The following PAFAH2 variants were observed in gnomAD, a reference collection of about 807,000 sequenced individuals.
PAFAH2 encodes the protein platelet-activating factor acetylhydrolase 2, cytoplasmic.
Under a neutral mutation model 49.0 loss-of-function variants are expected in PAFAH2, and 42 were observed. That is an observed-to-expected ratio of 0.86 (90% CI 0.67 to 1.11). PAFAH2 has a LOEUF of 1.11. Ranked by LOEUF, PAFAH2 falls within the 50% of genes least tolerant of loss-of-function variation. PAFAH2 has a pLI of 0.00. For missense variants in PAFAH2, 503 were observed against 501.8 expected, an observed-to-expected ratio of 1.00 and a Z score of -0.02; for synonymous variants, 184 against 181.3, an observed-to-expected ratio of 1.01 and a Z score of -0.12.
intron 10 of PAFAH2, among the ~76,000 whole-genome samples, chr1:25,970,794 C>T (rs2049494827): frequency 1.3e-5 from 2 of 151,980 alleles, no homozygotes; most frequent in African/African-American, 4.8e-5. Flanking sequence ...CACTATGTTG[C>T]ACAGGCTGGT....
chr1:25,969,489 T>C (rs1378564597), intron 10 of PAFAH2, among the ~76,000 whole-genome samples: 1 of 152,214 alleles, frequency 6.6e-6, no homozygotes, highest in Non-Finnish European at 1.5e-5. Context: ...CTAGGTTACA[T>C]ATTGGCTTTG....
chr1:25,992,537 G>A (rs1394545717), intron 1 of PAFAH2, among the ~76,000 whole-genome samples: 1 of 152,152 alleles, frequency 6.6e-6, no homozygotes, highest in African/African-American at 2.4e-5. Flanking sequence ...CTCTGTGCCA[G>A]GAACTATGTT....
chr1:25,982,912 A>G (rs1452686475), intron 6 of PAFAH2, among the ~76,000 whole-genome samples: 1 of 152,004 alleles, frequency 6.6e-6, no homozygotes, highest in Non-Finnish European at 1.5e-5. Flanking sequence ...TCCCACTCCC[A>G]TTCTAACAAT....
intron 1 of PAFAH2, among the ~76,000 whole-genome samples, chr1:25,991,624 G>A (rs2049877342): frequency 6.8e-6 from 1 of 148,082 alleles, no homozygotes; most frequent in Non-Finnish European, 1.5e-5. Context: ...CAGGCACGGT[G>A]GCTCACGCCT....
chr1:25,976,768 G>A lies in PAFAH2; in HGVS notation c.672C>T (p.Asn224=), dbSNP rs2049595711. ...GGLDLMTLKG[N]IDMSRVAVMG... is the part of the protein sequence containing the mutation. ...TCACAGCCACACGGCTCATGTCAAT[G>A]TTGCCCTGAGGAAAGTGGAGAACTT... Residue 224 remains asparagine (N), a synonymous_variant, in exon 8 of 11, where the codon AAC becomes AAT. Transcript: ENST00000374282. 1 of 1,613,616 alleles carries A rather than the reference G, an allele frequency of 6.2e-7. No individual in the cohort carries two copies. The highest frequency in any genetic ancestry group is 1.1e-5 in the South Asian group (1 of 91,078).
chr1:25,983,277 A>C (rs1433127895), intron 6 of PAFAH2, among the ~76,000 whole-genome samples: 8 of 152,090 alleles, frequency 5.3e-5, no homozygotes, highest in Admixed American at 5.2e-4. Context: ...CCAGCTACTC[A>C]GGAGGCTGAG....
At chr1:25,978,289 T>C (rs2124342295) in intron 7 of PAFAH2, among the ~76,000 whole-genome samples, 1 of 152,330 alleles carries the variant, frequency 6.6e-6, no homozygotes, top group South Asian at 2.1e-4. Flanking sequence ...TCTTTTTCTA[T>C]ATAGTTGCCC....
In PAFAH2 at chr1:25,983,983, T is replaced by A; in HGVS notation, c.515A>T (p.Glu172Val). 1 of 1,614,166 alleles carries A rather than the reference T, an allele frequency of 6.2e-7. No homozygotes were observed. The highest frequency in any genetic ancestry group is 1.1e-5 in the South Asian group (1 of 91,074). The part of the protein sequence containing the change: ...QEEWIPFRRV[E>V]EGEKEFHVRN... ...AACATGAAATTCCTTCTCCCCTTCC[T>A]CAACTCGACGGAAAGGGATCCATTC... Residue 172 changes from glutamate (E) to valine (V), a missense_variant, in exon 6 of 11, where the codon GAG (glutamate) becomes GTG (valine). Physicochemically the swap from Glu to Val is moderately radical, Grantham distance 121. Transcript: ENST00000374282.
intron 10 of PAFAH2, among the ~76,000 whole-genome samples, chr1:25,970,926 C>T (rs766959566): frequency 6.6e-6 from 1 of 152,020 alleles, no homozygotes; most frequent in Non-Finnish European, 1.5e-5. Context: ...CAAAAAACAG[C>T]GACTCCAAAG....
intron 1 of PAFAH2, among the ~76,000 whole-genome samples, chr1:25,993,604 C>A (rs2049902955): frequency 1.3e-5 from 2 of 152,082 alleles, no homozygotes; most frequent in Admixed American, 1.3e-4. Context: ...CATTTTGTTT[C>A]TTTTTAGCAA....
At chr1:25,984,967 G>C (rs1370163615) in intron 4 of PAFAH2, among the ~76,000 whole-genome samples, 1 of 149,448 alleles carries the variant, frequency 6.7e-6, no homozygotes, top group African/African-American at 2.5e-5. Context: ...TGATTCTCCT[G>C]CCTCAGCCTC....
intron 1 of PAFAH2, among the ~76,000 whole-genome samples, chr1:25,992,670 G>A (rs935804862): frequency 6.6e-6 from 1 of 152,198 alleles, no homozygotes; most frequent in Non-Finnish European, 1.5e-5. Flanking sequence ...AATAACATAT[G>A]GCGAGCAGAG....
intron 10 of PAFAH2, among the ~76,000 whole-genome samples, chr1:25,966,847 T>C (rs941243269): frequency 1.3e-5 from 2 of 151,910 alleles, no homozygotes; most frequent in African/African-American, 4.8e-5. Context: ...CTGGCTAACA[T>C]GGCGAAACTC....
intron 9 of PAFAH2, 81 bp from the exon 10 acceptor site, chr1:25,972,793 G>C: frequency 7.1e-7 from 1 of 1,415,578 alleles, no homozygotes; most frequent in East Asian, 2.3e-5. Context: ...TATGTGCAAG[G>C]TGCTTTTCAT....
intron 1 of PAFAH2, among the ~76,000 whole-genome samples, chr1:25,996,737 G>A (rs1384142259): frequency 2.0e-5 from 3 of 152,176 alleles, no homozygotes; most frequent in African/African-American, 7.2e-5. Context: ...ATAACCATAG[G>A]AGGCAACTAT....
rs750275361 is a variant in PAFAH2 at position 25,972,679 on chromosome 1, A to G, written c.963T>C (p.Ala321=). 1.2e-6 allele frequency: 2 copies of G among 1,613,894 alleles called. No individual in the cohort carries two copies. Among genetic ancestry groups the G allele is most frequent in the Admixed American group, 3.3e-5 (2 of 60,004 alleles). The change falls in exon 10 of 11, where the codon GCT becomes GCC. Residue 321 remains alanine, a synonymous_variant. Transcript: ENST00000374282. ...GSVHRSQTDF[A]FVTGNLIGKF... ...TACCAATCAAGTTGCCAGTCACAAA[A>G]GCAAAGTCAGTTTGACTCCGATGAA...
At chr1:25,997,590 T>G (rs1472460100) in intron 1 of PAFAH2, 1 of 152,230 alleles carries the variant, frequency 6.6e-6, no homozygotes, top group Non-Finnish European at 1.5e-5. Context: ...TCCAGGGTAA[T>G]CGCGGATCGG....
In PAFAH2 at chr1:25,966,523, G is replaced by T. The variant is rs898328589; in HGVS notation, c.1085-4440C>A. On this transcript the variant is annotated intron_variant, in intron 10 of 10. Coordinates refer to ENST00000374282, the MANE Select transcript of PAFAH2 (RefSeq NM_000437.4). Reference sequence around the variant, plus strand: ...ACTCAGAAACAGAAAGTCAAATACCGAATGCTGTACCGAATGCTGTCACTT... The same window carrying T: ...ACTCAGAAACAGAAAGTCAAATACCTAATGCTGTACCGAATGCTGTCACTT... 3.3e-5 allele frequency among the ~76,000 whole-genome samples: 5 copies of T among 152,188 alleles called. No individual in the cohort carries two copies. The East Asian group carries it at 9.7e-4, about 29-fold the overall frequency.
chr1:25,990,848 G>C lies in PAFAH2; in HGVS notation c.-32C>G. ...ACCGGGTGAATCAAATGACTTGCCGGAGCTGAACTTGCTGGCTGGATGGGG... is the reference window on the plus strand; with the variant it reads ...ACCGGGTGAATCAAATGACTTGCCGCAGCTGAACTTGCTGGCTGGATGGGG... On this transcript the variant is annotated 5_prime_UTR_variant, in exon 2 of 11. Coordinates refer to ENST00000374282, the MANE Select transcript of PAFAH2 (RefSeq NM_000437.4). The C allele has an allele frequency of 6.3e-7, 1 of 1,581,092 alleles. No individual in the cohort carries two copies. The highest frequency in any genetic ancestry group is 1.7e-4 in the Middle Eastern group (1 of 5,984).
Sources: gnomAD v4.1 joint callset for allele counts (sites outside exome capture counted in the v4.1 genomes callset) on GRCh38, gnomAD v4.1.1 for gene constraint, MANE v1.5 for transcripts, NCBI Gene and HGNC (gene_info 2026-07-23, HGNC 2026-07-21) for gene names.